The following PRKAR2B variants were observed in gnomAD, a reference collection of about 807,000 sequenced individuals.
The protein encoded by PRKAR2B is cAMP-dependent protein kinase type II-beta regulatory subunit.
A neutral mutation model predicts 49.9 loss-of-function variants in PRKAR2B; 14 were observed. The observed-to-expected ratio is 0.28, with a 90% CI of 0.19 to 0.44. The LOEUF is 0.44. Ranked by LOEUF, PRKAR2B falls within the 20% of genes least tolerant of loss-of-function variation. The pLI is 1.00. For missense variants in PRKAR2B, 393 were observed against 537.9 expected (o/e 0.73, Z 2.67); for synonymous variants, 196 against 197.7 (o/e 0.99, Z 0.07).
chr7:107,157,674 C>A (rs527971993), intron 10 of PRKAR2B, among the ~76,000 whole-genome samples: 4 of 152,240 alleles, frequency 2.6e-5, no homozygotes, highest in Admixed American at 2.6e-4. Context: ...TTATAAAGTC[C>A]GTTATTAAGA....
intron 2 of PRKAR2B, among the ~76,000 whole-genome samples, chr7:107,072,848 A>G (rs927078789): frequency 9.2e-5 from 14 of 152,178 alleles, no homozygotes; most frequent in Non-Finnish European, 4.4e-5. Flanking sequence ...TTTTCTTTTC[A>G]TAACCCATAA....
chr7:107,143,850 C>T (rs893379632), intron 5 of PRKAR2B, among the ~76,000 whole-genome samples: 2 of 152,134 alleles, frequency 1.3e-5, no homozygotes, highest in African/African-American at 4.8e-5. Context: ...ACTTGGGTCT[C>T]ATTCCCAAGA....
intron 3 of PRKAR2B, among the ~76,000 whole-genome samples, chr7:107,125,489 G>T (rs1017808231): frequency 1.3e-5 from 2 of 152,198 alleles, no homozygotes; most frequent in Admixed American, 1.3e-4. Context: ...TGGGTGTATT[G>T]CTGAGGCCTC....
At chr7:107,076,203 C>T (rs1320130992) in intron 2 of PRKAR2B, among the ~76,000 whole-genome samples, 3 of 152,072 alleles carry the variant, frequency 2.0e-5, no homozygotes, top group Non-Finnish European at 1.5e-5. Flanking sequence ...ATACTTCAGC[C>T]TGTATCTCCT....
At position 107,044,912 on chromosome 7, in the gene PRKAR2B, G is replaced by A. The variant is rs1793658571; in HGVS notation, c.5G>A (p.Ser2Asn). The change falls in exon 1 of 11, where the codon AGC becomes AAC. Residue 2 changes from serine to asparagine, a missense_variant. Physicochemically the swap from Ser to Asn is conservative, Grantham distance 46. Transcript: ENST00000265717. ...GCCTGCCGCCCCGGAGGCAGGATGA[G>A]CATCGAGATCCCGGCGGGACTGACG... M[S>N]IEIPAGLTEL... The A allele has an allele frequency of 6.3e-7, 1 of 1,596,232 alleles. No homozygotes were observed. Among genetic ancestry groups the A allele is most frequent in the Non-Finnish European group, 8.5e-7 (1 of 1,174,154 alleles).
chr7:107,049,691 G>A (rs1218199750), intron 1 of PRKAR2B, among the ~76,000 whole-genome samples: 1 of 152,130 alleles, frequency 6.6e-6, no homozygotes, highest in African/African-American at 2.4e-5. Context: ...TTGGCGAGGT[G>A]AAGCAGGGAA....
At position 107,159,756 on chromosome 7, in the gene PRKAR2B, A is replaced by T. The variant is rs1421702304; in HGVS notation, c.*174A>T. 1 of 547,678 alleles carries T rather than the reference A, an allele frequency of 1.8e-6. No individual in the cohort carries two copies. The highest frequency in any genetic ancestry group is 4.1e-5 in the South Asian group (1 of 24,244). 33.9% of individuals were successfully genotyped at this position (547,678 alleles called of 1,614,324 possible). On this transcript the variant is annotated 3_prime_UTR_variant, in exon 11 of 11. Transcript: ENST00000265717. Reference sequence around the variant, plus strand: ...GATTTAATAGTCAATAGGCTTTAACATCACTTTCTAAAGAGTAGTTCATAA... The same window carrying T: ...GATTTAATAGTCAATAGGCTTTAACTTCACTTTCTAAAGAGTAGTTCATAA...
At chr7:107,140,349 C>A (rs28362525) in intron 4 of PRKAR2B, among the ~76,000 whole-genome samples, 23,638 of 151,924 alleles carry the variant, frequency 0.16, 2,976 homozygotes, top group African/African-American at 0.34. Flanking sequence ...TGTTGTTTTT[C>A]TTTTTTGTTC....
intron 1 of PRKAR2B, among the ~76,000 whole-genome samples, chr7:107,047,863 C>T (rs1441127071): frequency 6.6e-6 from 1 of 152,040 alleles, no homozygotes; most frequent in Non-Finnish European, 1.5e-5. Flanking sequence ...CCTTTTCTTC[C>T]CCCTCAGTAG....
chr7:107,044,818 G>A lies in PRKAR2B; in HGVS notation c.-90G>A, dbSNP rs896422420. 2 of 1,091,406 alleles carry A rather than the reference G, an allele frequency of 1.8e-6. No individual in the cohort carries two copies. Among genetic ancestry groups the A allele is most frequent in the Admixed American group, 4.4e-5 (1 of 22,718 alleles). The allele number at this position is 1,091,406 out of a possible 1,614,324, so 67.6% of individuals were successfully genotyped here. ...TCGCAGCCGGTAGCGCGCCAGCGCC[G>A]TAGGCGCTCGCTCGGCAGCCGCGGG... On this transcript the variant is annotated 5_prime_UTR_variant, in exon 1 of 11. Transcript: ENST00000265717.
chr7:107,157,842 C>CA (rs1224712304), intron 10 of PRKAR2B, among the ~76,000 whole-genome samples: 4 of 152,120 alleles, frequency 2.6e-5, no homozygotes, highest in African/African-American at 7.2e-5. Flanking sequence ...TCTTCAGGTG[C>CA]AGGCATCTGT....
chr7:107,066,036 G>T (rs1374507577), intron 1 of PRKAR2B, among the ~76,000 whole-genome samples: 12 of 152,186 alleles, frequency 7.9e-5, no homozygotes, highest in Non-Finnish European at 1.8e-4. Context: ...GGCAACAGAA[G>T]ATATCTCTGG....
intron 2 of PRKAR2B, among the ~76,000 whole-genome samples, chr7:107,080,557 A>G (rs369982458): frequency 6.6e-6 from 1 of 152,182 alleles, no homozygotes; most frequent in South Asian, 2.1e-4. Context: ...AATTAGGGAA[A>G]AGATGGTGGT....
chr7:107,091,456 A>G (rs1584422581), intron 2 of PRKAR2B, among the ~76,000 whole-genome samples: 1 of 152,154 alleles, frequency 6.6e-6, no homozygotes, highest in African/African-American at 2.4e-5. Flanking sequence ...TACTAAACCT[A>G]TGCCACAGAG....
In PRKAR2B at chr7:107,128,248, T is replaced by C. The variant is rs963352202; in HGVS notation, c.433T>C (p.Leu145=). 1 of 1,613,022 alleles carries C rather than the reference T, an allele frequency of 6.2e-7. No homozygotes were observed. The highest frequency in any genetic ancestry group is 8.5e-7 in the Non-Finnish European group (1 of 1,179,034). ...AAAAACTGATGATCAAAGAAATAGG[T>C]TGCAAGAGGCTTGCAAAGACATCCT... ...HPKTDDQRNR[L]QEACKDILLF... The change falls in exon 4 of 11, where the codon TTG becomes CTG. Residue 145 remains leucine, a synonymous_variant. Coordinates refer to ENST00000265717, the MANE Select transcript of PRKAR2B (RefSeq NM_002736.3).
At chr7:107,058,983 AG>A (rs1303956793) in intron 1 of PRKAR2B, among the ~76,000 whole-genome samples, 1 of 152,134 alleles carries the variant, frequency 6.6e-6, no homozygotes, top group African/African-American at 2.4e-5. Flanking sequence ...GCACCCTTCA[AG>A]GTTTTTTATT....
intron 2 of PRKAR2B, among the ~76,000 whole-genome samples, chr7:107,115,084 G>C (rs1169458981): frequency 6.6e-6 from 1 of 152,036 alleles, no homozygotes; most frequent in Non-Finnish European, 1.5e-5. Context: ...TTTAGGAATA[G>C]TAATTACATG....
chr7:107,073,341 C>T (rs951585244), intron 2 of PRKAR2B, among the ~76,000 whole-genome samples: 1 of 152,164 alleles, frequency 6.6e-6, no homozygotes, highest in African/African-American at 2.4e-5. Context: ...TGCTGGCCCA[C>T]AAACGTGTCA....
intron 2 of PRKAR2B, among the ~76,000 whole-genome samples, chr7:107,072,472 A>G (rs551233597): frequency 5.9e-5 from 9 of 152,206 alleles, no homozygotes; most frequent in Non-Finnish European, 1.2e-4. Flanking sequence ...AAATAAAATT[A>G]TTTAATACTT....
Sources: gnomAD v4.1 joint callset for allele counts (sites outside exome capture counted in the v4.1 genomes callset) on GRCh38, gnomAD v4.1.1 for gene constraint, MANE v1.5 for transcripts, NCBI Gene and HGNC (gene_info 2026-07-23, HGNC 2026-07-21) for gene names.